Variants in CACNA1C observed in about 807,000 individuals in gnomAD.
The protein encoded by CACNA1C is calcium voltage-gated channel subunit alpha1 C.
In CACNA1C, 30 loss-of-function variants were observed where a neutral mutation model predicts 229.0. The ratio of observed to expected loss-of-function variants is 0.13; its 90% CI spans 0.10 to 0.18. The LOEUF (loss-of-function observed/expected upper bound fraction) is 0.18, where lower values mean the gene tolerates loss of function less well. Among genes scored for constraint, CACNA1C ranks in the 10% least tolerant of loss-of-function variants. CACNA1C has a pLI of 1.00. For missense variants in CACNA1C, 1,658 were observed against 2,845.0 expected (o/e 0.58, Z 9.49); for synonymous variants, 1,114 against 1,132.5 (o/e 0.98, Z 0.33).
chr12:2,255,306 C>T (rs1201267459), intron 3 of CACNA1C, among the ~76,000 whole-genome samples: 1 of 151,960 alleles, frequency 6.6e-6, no homozygotes, highest in Non-Finnish European at 1.5e-5. Context: ...TAGGAAAGCA[C>T]CATTCCCCAG....
chr12:2,067,480 GTGCGCGCGTGTGCGTGCCTGTA>G lies in CACNA1C; in HGVS notation c.49+13872_49+13893del. ...TGTGTGTGTGTGTGTGTGTGTGTGT[GTGCGCGCGTGTGCGTGCCTGTA>G]TGTAAGGGCAGGCACATGAAGACAG... On this transcript the variant is annotated intron_variant, in intron 1 of 46. Transcript: ENST00000399655. This position sits in a 1 kb window ranked among gnomAD's most constrained non-coding sequence, Gnocchi z 5.3. Among the ~76,000 whole-genome samples, 1 of 136,406 alleles carries G rather than the reference GTGCGCGCGTGTGCGTGCCTGTA, an allele frequency of 7.3e-6. No individual in the cohort carries two copies. Among genetic ancestry groups the G allele is most frequent in the Non-Finnish European group, 1.6e-5 (1 of 63,774 alleles). The allele number at this position is 136,406 out of a possible 152,430, so 89.5% of individuals were successfully genotyped here. A position where few individuals can be genotyped will look rare whatever the true frequency, so the allele number is the denominator to read the frequency against.
intron 1 of CACNA1C, among the ~76,000 whole-genome samples, chr12:2,024,221 A>C (rs892519280): frequency 6.6e-6 from 1 of 152,200 alleles, no homozygotes; most frequent in East Asian, 1.9e-4. Context: ...CATTATGAGA[A>C]AATTGCATAA....
At chr12:2,201,027 A>G (rs1165360934) in intron 3 of CACNA1C, among the ~76,000 whole-genome samples, 1 of 152,222 alleles carries the variant, frequency 6.6e-6, no homozygotes, top group Non-Finnish European at 1.5e-5. Context: ...TTTTTTGGAA[A>G]GAGCTAAGCT....
At chr12:2,370,197 T>A (rs937480146) in intron 3 of CACNA1C, among the ~76,000 whole-genome samples, 3 of 152,132 alleles carry the variant, frequency 2.0e-5, no homozygotes, top group South Asian at 4.1e-4. Context: ...GTAACACAGA[T>A]TAAAAAAATA....
At chr12:2,306,351 G>T (rs2095023239) in intron 3 of CACNA1C, among the ~76,000 whole-genome samples, 1 of 152,222 alleles carries the variant, frequency 6.6e-6, no homozygotes, top group Non-Finnish European at 1.5e-5. Context: ...TCACAGGCCA[G>T]CAGGCAGCTG....
In CACNA1C at chr12:2,418,082, C is replaced by G. The variant is rs115468968; in HGVS notation, c.478-30894C>G. On this transcript the variant is annotated intron_variant, in intron 3 of 46. Coordinates refer to ENST00000399655, the MANE Select transcript of CACNA1C (RefSeq NM_000719.7). ...TTTCCCACAGGATGAGGGAGCCGCT[C>G]CCTCTCTGCTTTTGGGTCCCTGTCT... is the stretch of plus-strand genomic sequence containing the variant. Among the ~76,000 whole-genome samples the G allele has an allele frequency of 7.0e-3, 1,060 of 152,256 alleles. 10 individuals carry two copies. Among genetic ancestry groups the G allele is most frequent in the African/African-American group, 0.025 (1,018 of 41,540 alleles).
rs2097011616 is a variant in CACNA1C at position 2,679,405 on chromosome 12, T to C, written c.5092-39T>C. Reference sequence around the variant, plus strand: ...GCTGCTCTCTGGGAGGAGTGGGTGCTAAGGGGCTTCTCCACCCACCCCTCC... The same window carrying C: ...GCTGCTCTCTGGGAGGAGTGGGTGCCAAGGGGCTTCTCCACCCACCCCTCC... On this transcript the variant is annotated intron_variant, in intron 41 of 46. Transcript: ENST00000399655. This position sits in a 1 kb window ranked among gnomAD's most constrained non-coding sequence, Gnocchi z 5.5. 6.4e-6 allele frequency: 9 copies of C among 1,407,902 alleles called. No homozygotes were observed. The highest frequency in any genetic ancestry group is 8.6e-6 in the Non-Finnish European group (9 of 1,042,460). 87.2% of individuals were successfully genotyped at this position (1,407,902 alleles called of 1,614,324 possible).
Position 2,215,820 on chromosome 12 carries a change from C to T in CACNA1C, c.477+95390C>T, listed in dbSNP as rs912206678. Among the ~76,000 whole-genome samples, 5 of 152,198 alleles carry T rather than the reference C, an allele frequency of 3.3e-5. No homozygotes were observed. Among genetic ancestry groups the T allele is most frequent in the African/African-American group, 1.2e-4 (5 of 41,450 alleles). ...GTTGAAGGGCCCTGGAGCCCCAGGC[C>T]TGCCTGCCTGGGGAGCAGCTGATGG... On this transcript the variant is annotated intron_variant, in intron 3 of 46. Coordinates refer to ENST00000399655, the MANE Select transcript of CACNA1C (RefSeq NM_000719.7). The surrounding 1 kb of genome is among the most constrained non-coding windows in gnomAD (Gnocchi z 5.0).
intron 3 of CACNA1C, among the ~76,000 whole-genome samples, chr12:2,298,039 A>G (rs1044965855): frequency 2.0e-5 from 3 of 152,224 alleles, no homozygotes; most frequent in Non-Finnish European, 2.9e-5. Context: ...AGGAGACGAC[A>G]TCACAGAGGG....
At chr12:2,212,461 C>T (rs1031388657) in intron 3 of CACNA1C, among the ~76,000 whole-genome samples, 3 of 152,126 alleles carry the variant, frequency 2.0e-5, no homozygotes, top group African/African-American at 7.2e-5. Flanking sequence ...GAAATCATTG[C>T]CCCAAAATTC....
intron 1 of CACNA1C, among the ~76,000 whole-genome samples, chr12:2,030,388 G>GTTTT (rs5795989): frequency 6.7e-6 from 1 of 149,638 alleles, no homozygotes; most frequent in Non-Finnish European, 1.5e-5. Flanking sequence ...GCCCAACATA[G>GTTTT]TTTTTTTTTT....
At chr12:2,451,058 A>G (rs1354102735) in intron 4 of CACNA1C, among the ~76,000 whole-genome samples, 1 of 152,122 alleles carries the variant, frequency 6.6e-6, no homozygotes, top group Non-Finnish European at 1.5e-5. Context: ...TGAATGACGC[A>G]CTTTGGCCAC....
At chr12:2,617,332 C>T (rs1407308540) in intron 29 of CACNA1C, among the ~76,000 whole-genome samples, 1 of 152,192 alleles carries the variant, frequency 6.6e-6, no homozygotes, top group East Asian at 1.9e-4. Flanking sequence ...CAGCTCTGGG[C>T]CCAGCCTTGC....
At position 2,346,444 on chromosome 12, in the gene CACNA1C, C is replaced by T. The variant is rs2154524212; in HGVS notation, c.478-102532C>T. Among the ~76,000 whole-genome samples the T allele has an allele frequency of 6.6e-6, 1 of 152,276 alleles. No homozygotes were observed. Among genetic ancestry groups the T allele is most frequent in the Middle Eastern group, 3.4e-3 (1 of 294 alleles). On this transcript the variant is annotated intron_variant, in intron 3 of 46. Coordinates refer to ENST00000399655, the MANE Select transcript of CACNA1C (RefSeq NM_000719.7). This position sits in a 1 kb window ranked among gnomAD's most constrained non-coding sequence, Gnocchi z 4.4. ...CCAGGCTTGGGACAAGCTCACATTC[C>T]ACAGGTCCTAGAGGAAATGTTTTTG...
intron 1 of CACNA1C, among the ~76,000 whole-genome samples, chr12:2,076,987 C>T (rs1470586668): frequency 6.6e-6 from 1 of 152,240 alleles, no homozygotes; most frequent in Non-Finnish European, 1.5e-5. Flanking sequence ...GGAGCGGACG[C>T]CATGCTGGGC....
At chr12:2,301,545 CA>C (rs909734195) in intron 3 of CACNA1C, among the ~76,000 whole-genome samples, 10 of 152,158 alleles carry the variant, frequency 6.6e-5, no homozygotes, top group African/African-American at 2.4e-4. Context: ...CAGAGAGTCA[CA>C]AAGACGCTCA....
intron 29 of CACNA1C, among the ~76,000 whole-genome samples, chr12:2,628,337 A>T (rs1438265200): frequency 6.6e-6 from 1 of 152,236 alleles, no homozygotes; most frequent in Non-Finnish European, 1.5e-5. Flanking sequence ...CATGAACTCG[A>T]GTCTTACAAA....
chr12:2,463,991 A>C (rs2099533423), intron 5 of CACNA1C, among the ~76,000 whole-genome samples: 1 of 152,162 alleles, frequency 6.6e-6, no homozygotes, highest in East Asian at 1.9e-4. Context: ...TGTATATGCA[A>C]GGAGTACATT....
chr12:2,111,157 T>C (rs1162643917), intron 1 of CACNA1C, among the ~76,000 whole-genome samples: 2 of 152,228 alleles, frequency 1.3e-5, no homozygotes, highest in East Asian at 3.9e-4. Context: ...ATTCCATTTT[T>C]CCCCATGGGC....
Sources: allele counts gnomAD v4.1 joint callset (sites outside exome capture counted in the v4.1 genomes callset), GRCh38; gene constraint gnomAD v4.1.1; non-coding constraint Gnocchi (gnomAD v3.1); transcripts MANE v1.5; gene names NCBI Gene and HGNC (gene_info 2026-07-23, HGNC 2026-07-21).